The following SRGAP2 variants were observed in gnomAD, a reference collection of about 807,000 sequenced individuals.
SRGAP2 encodes SLIT-ROBO Rho GTPase activating protein 2, also known as SLIT-ROBO Rho GTPase-activating protein 2.
SRGAP2 carries 15 observed loss-of-function variants against 57.2 expected under a neutral mutation model. The ratio of observed to expected loss-of-function variants is 0.26; its 90% confidence interval spans 0.18 to 0.40. The LOEUF (loss-of-function observed/expected upper bound fraction) is 0.40. SRGAP2 is among the 10% of genes least tolerant of loss of function. The probability of loss-of-function intolerance (pLI) is 1.00; values close to 1 mark genes in which losing one functional copy is unlikely to be tolerated. For missense variants in SRGAP2, 520 were observed against 669.6 expected (o/e 0.78, Z 2.47); for synonymous variants, 249 against 248.0 (o/e 1.00, Z -0.04).
In SRGAP2 at chr1:206,420,373, G is replaced by A. The variant is rs184125499; in HGVS notation, c.1470-877G>A. On this transcript the variant is annotated intron_variant, in intron 12 of 22. Coordinates refer to ENST00000573034, the MANE Select transcript of SRGAP2 (RefSeq NM_015326.5). ...ATCTTTTTGGTGTTAGAGTCTTACT[G>A]TAAGTTCACCTGAGCTCCTGAGTCT... Among the ~76,000 whole-genome samples, 255 of 152,318 alleles carry A rather than the reference G, an allele frequency of 1.7e-3. 1 individual carries two copies. The highest frequency in any genetic ancestry group is 5.6e-3 in the African/African-American group (234 of 41,560).
intron 3 of SRGAP2, among the ~76,000 whole-genome samples, chr1:206,306,439 C>A (rs1312029062): frequency 6.6e-6 from 1 of 152,126 alleles, no homozygotes; most frequent in Non-Finnish European, 1.5e-5. Context: ...AGCTGCAGAT[C>A]TTTGCGGTGA....
At position 206,454,199 on chromosome 1, in the gene SRGAP2, G is replaced by A. The variant is rs1553377405; in HGVS notation, c.2361-679G>A. ...CAGCCTCTTCCCGGCTCGTTCTGCA[G>A]GGAAATCCTCCCTCTGTTGATAGCA... On this transcript the variant is annotated intron_variant, in intron 20 of 22. Coordinates refer to ENST00000573034, the MANE Select transcript of SRGAP2 (RefSeq NM_015326.5). The surrounding 1 kb of genome is among the most constrained non-coding windows in gnomAD (Gnocchi z 4.3). 2 of 702,390 alleles carry A rather than the reference G, an allele frequency of 2.8e-6. No homozygotes were observed. The highest frequency in any genetic ancestry group is 5.2e-6 in the Non-Finnish European group (2 of 384,928). 43.5% of individuals were successfully genotyped at this position (702,390 alleles called of 1,614,324 possible). A position where few individuals can be genotyped will look rare whatever the true frequency, so the allele number is the denominator to read the frequency against.
At chr1:206,451,115 T>TAAAA (rs67862340) in intron 19 of SRGAP2, among the ~76,000 whole-genome samples, 15 of 69,224 alleles carry the variant, frequency 2.2e-4, no homozygotes, top group African/African-American at 7.1e-4. Context: ...AGACCCTGTC[T>TAAAA]AAAAAAAAAA....
chr1:206,259,195 C>T (rs1333013927), intron 2 of SRGAP2, among the ~76,000 whole-genome samples: 21 of 151,824 alleles, frequency 1.4e-4, no homozygotes, highest in African/African-American at 4.1e-4. Flanking sequence ...TGAAGCTTTG[C>T]CTTATCTGTT....
intron 14 of SRGAP2, among the ~76,000 whole-genome samples, chr1:206,436,634 C>G: frequency 6.6e-6 from 1 of 152,096 alleles, no homozygotes; most frequent in East Asian, 1.9e-4. Context: ...TATTCTTGAC[C>G]CTAGATGATT....
At chr1:206,234,440 C>G (rs1667808937) in intron 2 of SRGAP2, among the ~76,000 whole-genome samples, 2 of 152,096 alleles carry the variant, frequency 1.3e-5, no homozygotes, top group Non-Finnish European at 2.9e-5. Context: ...CATCCCTGGC[C>G]TCCATCTTTA....
intron 2 of SRGAP2, among the ~76,000 whole-genome samples, chr1:206,283,280 T>G (rs1380048865): frequency 1.3e-5 from 2 of 149,074 alleles, no homozygotes; most frequent in African/African-American, 4.9e-5. Context: ...TCTGGTAGAC[T>G]AGATTCCTTT....
intron 13 of SRGAP2, among the ~76,000 whole-genome samples, chr1:206,423,600 C>CTT (rs1660510949): frequency 6.6e-6 from 1 of 152,152 alleles, no homozygotes; most frequent in African/African-American, 2.4e-5. Context: ...ACCTTTGATG[C>CTT]TTTTTTCATC....
intron 5 of SRGAP2, among the ~76,000 whole-genome samples, chr1:206,385,767 A>G (rs528687328): frequency 1.3e-5 from 2 of 152,328 alleles, no homozygotes; most frequent in African/African-American, 4.8e-5. Flanking sequence ...CTCTGACTGC[A>G]GACTTAAGAC....
chr1:206,253,925 A>T (rs1184048892), intron 2 of SRGAP2, among the ~76,000 whole-genome samples: 1 of 143,444 alleles, frequency 7.0e-6, no homozygotes, highest in Non-Finnish European at 1.5e-5. Context: ...GCTAATTATG[A>T]CTGCAAAGGA....
At chr1:206,220,554 C>T (rs1345030079) in intron 2 of SRGAP2, among the ~76,000 whole-genome samples, 9 of 152,290 alleles carry the variant, frequency 5.9e-5, no homozygotes, top group Admixed American at 1.3e-4. Context: ...GGAAAAGGGC[C>T]GTCAGCTAAC....
At chr1:206,251,516 G>A (rs1668831765) in intron 2 of SRGAP2, among the ~76,000 whole-genome samples, 1 of 148,010 alleles carries the variant, frequency 6.8e-6, no homozygotes, top group Non-Finnish European at 1.5e-5. Flanking sequence ...AGCTGGGCTA[G>A]TGGAGTTTCT....
intron 17 of SRGAP2, among the ~76,000 whole-genome samples, chr1:206,442,608 T>C (rs1553372405): frequency 6.6e-6 from 1 of 152,240 alleles, no homozygotes; most frequent in Non-Finnish European, 1.5e-5. Flanking sequence ...GCATAGGAAT[T>C]GCACCAATTC....
chr1:206,358,480 C>A (rs1307533987), intron 4 of SRGAP2, among the ~76,000 whole-genome samples: 1 of 151,498 alleles, frequency 6.6e-6, no homozygotes, highest in Non-Finnish European at 1.5e-5. Context: ...TTAATCATCT[C>A]TTCTCCAAAG....
At chr1:206,458,489 C>G (rs925758535) in intron 21 of SRGAP2, 134 bp from the exon 22 acceptor site, 2 of 713,694 alleles carry the variant, frequency 2.8e-6, no homozygotes, top group Non-Finnish European at 2.6e-6. Context: ...AAGATGAAGC[C>G]GAGGAGAGAA....
chr1:206,355,130 C>G (rs538830001), intron 4 of SRGAP2, among the ~76,000 whole-genome samples: 2 of 152,160 alleles, frequency 1.3e-5, no homozygotes, highest in Non-Finnish European at 2.9e-5. Flanking sequence ...TTTGTCCAAG[C>G]CAGTATCTAA....
At chr1:206,456,472 A>G (rs1558455923) in intron 21 of SRGAP2, among the ~76,000 whole-genome samples, 1 of 152,238 alleles carries the variant, frequency 6.6e-6, no homozygotes, top group African/African-American at 2.4e-5. Flanking sequence ...TCGTGATCCT[A>G]TAATTAACTC....
intron 4 of SRGAP2, among the ~76,000 whole-genome samples, chr1:206,363,024 T>C (rs1317852389): frequency 1.3e-5 from 2 of 148,938 alleles, no homozygotes; most frequent in Admixed American, 1.3e-4. Context: ...TGCCTTATGA[T>C]GTCCTTTGTA....
intron 13 of SRGAP2, among the ~76,000 whole-genome samples, chr1:206,422,202 G>A (rs1215791997): frequency 1.3e-5 from 2 of 152,184 alleles, no homozygotes; most frequent in Non-Finnish European, 2.9e-5. Context: ...GGTTTTTATG[G>A]TGTCGGCAGC....
Sources: gnomAD v4.1 joint callset for allele counts (sites outside exome capture counted in the v4.1 genomes callset) on GRCh38, gnomAD v4.1.1 for gene constraint, Gnocchi (gnomAD v3.1) non-coding constraint, MANE v1.5 for transcripts, NCBI Gene and HGNC (gene_info 2026-07-23, HGNC 2026-07-21) for gene names.